Variants in NLRP14 observed in about 807,000 individuals in gnomAD.
The protein encoded by NLRP14 is NACHT, LRR and PYD domains-containing protein 14.
In NLRP14, 105 loss-of-function variants were observed where a neutral mutation model predicts 94.7. The observed-to-expected ratio is 1.11, with a 90% CI of 0.95 to 1.30. The LOEUF (loss-of-function observed/expected upper bound fraction) is 1.30, where lower values mean the gene tolerates loss of function less well. Among genes scored for constraint, NLRP14 ranks in the 50% most tolerant of loss-of-function variants. The pLI, the probability that NLRP14 is intolerant of heterozygous loss-of-function variation, is 0.00. For synonymous variants in NLRP14, 508 were observed against 459.9 expected (o/e 1.10, Z -1.34); for missense variants, 1,362 against 1,254.1 (o/e 1.09, Z -1.30).
Position 7,050,063 on chromosome 11 carries a change from C to G in NLRP14, c.2291+225C>G, listed in dbSNP as rs143749297. On this transcript the variant is annotated intron_variant, in intron 6 of 11. Coordinates refer to ENST00000299481, the MANE Select transcript of NLRP14 (RefSeq NM_176822.4). The stretch of plus-strand genomic sequence containing the variant: ...TTTCTCATTGTGTAGTTCTCTGTGT[C>G]TCCATCTCCTAAATCTGCTGGTGGT... 3.9e-5 allele frequency among the ~76,000 whole-genome samples: 6 copies of G among 151,956 alleles called. No individual in the cohort carries two copies. In the East Asian group the frequency reaches 1.2e-3, roughly 29 times the overall value.
At chr11:7,047,485 T>G (rs1852373373) in intron 5 of NLRP14, among the ~76,000 whole-genome samples, 1 of 151,780 alleles carries the variant, frequency 6.6e-6, no homozygotes, top group African/African-American at 2.4e-5. Flanking sequence ...TTTTAATTTT[T>G]TGTAGAGATG....
intron 6 of NLRP14, among the ~76,000 whole-genome samples, chr11:7,051,790 T>C (rs1184599367): frequency 2.6e-5 from 4 of 152,056 alleles, no homozygotes; most frequent in Non-Finnish European, 5.9e-5. Context: ...GCCCGGCTTA[T>C]TTTTGTGTTT....
the NLRP14 span, among the ~76,000 whole-genome samples, chr11:7,087,321 A>T: frequency 3.3e-5 from 5 of 152,244 alleles, no homozygotes; most frequent in East Asian, 9.6e-4. Flanking sequence ...TGAAATTTAC[A>T]TTTTCCTTTA....
In NLRP14 at chr11:7,057,758, G is replaced by C. The variant is rs1852539372; in HGVS notation, c.2373G>C (p.Leu791=). The C allele has an allele frequency of 1.2e-6, 2 of 1,612,304 alleles. No individual in the cohort carries two copies. Among genetic ancestry groups the C allele is most frequent in the Non-Finnish European group, 1.7e-6 (2 of 1,178,528 alleles). Residue 791 remains leucine, a synonymous_variant, in exon 7 of 12, where the codon CTG becomes CTC. Transcript: ENST00000299481. ...ALIRSQSLIF[L]NLSTNNLLDD... The stretch of plus-strand genomic sequence containing the variant: ...TCAGAAGCCAGAGCCTGATATTTCT[G>C]AATCTGTCAACCAATAATCTGTTGG...
rs1852274433 is a variant in NLRP14 at position 7,042,603 on chromosome 11, G to A, written c.577G>A (p.Val193Met). The change falls in exon 4 of 12, where the codon GTG becomes ATG. Residue 193 changes from valine (V) to methionine (M), a missense_variant. Physicochemically the swap from Val to Met is conservative, Grantham distance 21. Transcript: ENST00000299481. ...TGCTGGAGTTGGGAAAACAACCTTGGTGAGAAAGGCAATGTTAGATTGGGC... is the reference window on the plus strand; with the variant it reads ...TGCTGGAGTTGGGAAAACAACCTTGATGAGAAAGGCAATGTTAGATTGGGC... ...GAAGVGKTTLVRKAMLDWAEG... is the reference protein window; with the variant it reads ...GAAGVGKTTLMRKAMLDWAEG... 1 of 1,614,110 alleles carries A rather than the reference G, an allele frequency of 6.2e-7. No homozygotes were observed. The highest frequency in any genetic ancestry group is 1.7e-5 in the Admixed American group (1 of 60,014).
intron 6 of NLRP14, among the ~76,000 whole-genome samples, chr11:7,056,290 G>A (rs10500675): frequency 0.035 from 5,335 of 151,846 alleles, 149 homozygotes; most frequent in East Asian, 0.13. Flanking sequence ...TAGTAGGTAA[G>A]GGTTGTTTTC....
chr11:7,062,270 T>C, intron 9 of NLRP14, 63 bp from the exon 10 acceptor site: 2 of 1,415,046 alleles, frequency 1.4e-6, no homozygotes, highest in Non-Finnish European at 2.0e-6. Context: ...GTATATCTCC[T>C]AGGAAGAAAC....
Position 7,024,031 on chromosome 11 carries a change from CAT to C in NLRP14, c.-22+3264_-22+3265del, listed in dbSNP as rs747282318. Among the ~76,000 whole-genome samples the C allele has an allele frequency of 4.8e-4, 73 of 152,008 alleles. 1 individual carries two copies. The highest frequency in any genetic ancestry group is 4.3e-4 in the Non-Finnish European group (29 of 68,012). On this transcript the variant is annotated intron_variant, in intron 1 of 11. Transcript: ENST00000299481. ...ACAAATATCCAAACTATATCAGAAACATATGAAACACAATGAAACAATGATCT... is the reference window on the plus strand; with the variant it reads ...ACAAATATCCAAACTATATCAGAAACATGAAACACAATGAAACAATGATCT...
chr11:7,062,562 A>C, intron 10 of NLRP14, 59 bp downstream of exon 10: 10 of 1,427,042 alleles, frequency 7.0e-6, no homozygotes, highest in Non-Finnish European at 7.9e-6. Flanking sequence ...GTATAGCTAG[A>C]AGATATTTAG....
At chr11:7,078,387 C>T in the NLRP14 span, among the ~76,000 whole-genome samples, 1 of 113,696 alleles carries the variant, frequency 8.8e-6, no homozygotes, top group African/African-American at 3.4e-5. Context: ...GCAGTGAGCC[C>T]AGATAGCACC....
At chr11:7,090,175 T>A in the NLRP14 span, 6 of 1,613,816 alleles carry the variant, frequency 3.7e-6, no homozygotes, top group Non-Finnish European at 5.1e-6. Context: ...GGGCTCTCTC[T>A]GTCCATGGAA....
At chr11:7,048,118 C>A (rs1381355150) in intron 5 of NLRP14, among the ~76,000 whole-genome samples, 2 of 152,118 alleles carry the variant, frequency 1.3e-5, no homozygotes, top group Non-Finnish European at 2.9e-5. Flanking sequence ...TTTGTTGCAA[C>A]TTTTAGTAGT....
At chr11:7,022,061 A>T (rs2119536502) in intron 1 of NLRP14, among the ~76,000 whole-genome samples, 1 of 152,290 alleles carries the variant, frequency 6.6e-6, no homozygotes, top group South Asian at 2.1e-4. Flanking sequence ...AAGAGCACCA[A>T]GTATAGCATA....
At position 7,057,100 on chromosome 11, in the gene NLRP14, A is replaced by T. The variant is rs142681085; in HGVS notation, c.2292-577A>T. ...GTTAGTATTACTCCCCAACATGTAC[A>T]AGGCACAGGTTGTCTCTAAATATGA... is the stretch of plus-strand genomic sequence containing the variant. On this transcript the variant is annotated intron_variant, in intron 6 of 11. Transcript: ENST00000299481. Among the ~76,000 whole-genome samples, 31 of 152,158 alleles carry T rather than the reference A, an allele frequency of 2.0e-4. 1 individual carries two copies. Among genetic ancestry groups the T allele is most frequent in the African/African-American group, 7.0e-4 (29 of 41,548 alleles).
intron 3 of NLRP14, among the ~76,000 whole-genome samples, chr11:7,040,106 C>T (rs573110793): frequency 2.6e-5 from 4 of 152,276 alleles, no homozygotes; most frequent in East Asian, 3.9e-4. Flanking sequence ...TTTATCACAT[C>T]TACTTTCTTT....
At chr11:7,059,735 C>G (rs967214192) in intron 8 of NLRP14, among the ~76,000 whole-genome samples, 159 bp from the exon 9 acceptor site, 2 of 151,968 alleles carry the variant, frequency 1.3e-5, no homozygotes, top group Admixed American at 6.6e-5. Context: ...TGATGTATAT[C>G]TGTTTCCCAA....
chr11:7,089,857 C>A, the NLRP14 span: 1 of 1,612,444 alleles, frequency 6.2e-7, no homozygotes, highest in Non-Finnish European at 8.5e-7. Context: ...TACGGCCACT[C>A]CAGTGTCCGG....
In NLRP14 at chr11:7,055,430, T is replaced by A. The variant is rs1589867878; in HGVS notation, c.2292-2247T>A. Among the ~76,000 whole-genome samples, 8 of 152,224 alleles carry A rather than the reference T, an allele frequency of 5.3e-5. No homozygotes were observed. The South Asian group carries it at 1.7e-3, about 32-fold the overall frequency. Reference sequence around the variant, plus strand: ...TCATACTCAAAAAACAAAAATAAATTACGAAGTTCTTGAGCAACCTGGAAA... The same window carrying A: ...TCATACTCAAAAAACAAAAATAAATAACGAAGTTCTTGAGCAACCTGGAAA... On this transcript the variant is annotated intron_variant, in intron 6 of 11. Transcript: ENST00000299481.
At chr11:7,036,327 G>C (rs7119719) in intron 1 of NLRP14, among the ~76,000 whole-genome samples, 1 of 152,030 alleles carries the variant, frequency 6.6e-6, no homozygotes, top group Non-Finnish European at 1.5e-5. Context: ...TTCCTTCGAG[G>C]ACAGCGTAAA....
Sources: allele counts gnomAD v4.1 joint callset (sites outside exome capture counted in the v4.1 genomes callset), GRCh38; gene constraint gnomAD v4.1.1; transcripts MANE v1.5; gene names NCBI Gene and HGNC (gene_info 2026-07-23, HGNC 2026-07-21).